The following CGNL1 variants were observed in gnomAD, a reference collection of about 807,000 sequenced individuals.
CGNL1 encodes cingulin-like protein 1.
A neutral mutation model predicts 141.2 loss-of-function variants in CGNL1; 132 were observed. The ratio of observed to expected loss-of-function variants is 0.93; its 90% CI spans 0.81 to 1.08. The LOEUF is 1.08. CGNL1 is among the 50% of genes least tolerant of loss of function. CGNL1 has a pLI of 0.00. For missense variants in CGNL1, 1,870 were observed against 1,588.6 expected (o/e 1.18, Z -3.01); for synonymous variants, 690 against 622.1 (o/e 1.11, Z -1.63).
intron 8 of CGNL1, 92 bp downstream of exon 8, chr15:57,461,984 T>C (rs982214871): frequency 2.2e-6 from 2 of 921,586 alleles, no homozygotes; most frequent in Admixed American, 2.0e-5. Flanking sequence ...TCATTCCTTT[T>C]AATTAGAGAG....
Position 57,528,658 on chromosome 15 carries a change from GT to G in CGNL1, c.3045del (p.Leu1016Ter). 6.2e-7 allele frequency: 1 copy of G among 1,613,972 alleles called. No homozygotes were observed. Among genetic ancestry groups the G allele is most frequent in the Non-Finnish European group, 8.5e-7 (1 of 1,179,932 alleles). On this transcript the variant is annotated frameshift_variant, in exon 13 of 19. Coordinates refer to ENST00000281282, the MANE Select transcript of CGNL1 (RefSeq NM_032866.5). LOFTEE classifies it high-confidence loss of function. ...LTAMKMQDEM[R>X]LMEEELRDYQ... ...CCCAGCTGTCTCTCCTCCTAGATGC[GT>G]CTGATGGAGGAAGAGTTACGGGACT...
intron 8 of CGNL1, among the ~76,000 whole-genome samples, chr15:57,491,708 A>G (rs2063866107): frequency 6.6e-6 from 1 of 152,236 alleles, no homozygotes. Flanking sequence ...CCGTTATAGA[A>G]GAGTTCCAAA....
chr15:57,455,168 A>T (rs546117692), intron 7 of CGNL1, among the ~76,000 whole-genome samples: 1 of 151,796 alleles, frequency 6.6e-6, no homozygotes, highest in Non-Finnish European at 1.5e-5. Flanking sequence ...ATTCTCCTAC[A>T]TTTTTTTTCC....
chr15:57,385,442 C>T (rs753029443), intron 1 of CGNL1, among the ~76,000 whole-genome samples: 4 of 152,174 alleles, frequency 2.6e-5, no homozygotes, highest in Non-Finnish European at 5.9e-5. Flanking sequence ...ACCCAGGAGG[C>T]GGAGATTGCA....
At chr15:57,408,137 C>T (rs1470508756) in intron 1 of CGNL1, among the ~76,000 whole-genome samples, 4 of 152,106 alleles carry the variant, frequency 2.6e-5, no homozygotes, top group African/African-American at 7.2e-5. Flanking sequence ...GACTAAATAT[C>T]TGTGTTCTGC....
intron 11 of CGNL1, 32 bp from the exon 12 acceptor site, chr15:57,524,549 G>A: frequency 6.3e-7 from 1 of 1,594,672 alleles, no homozygotes; most frequent in East Asian, 2.2e-5. Context: ...GAGCATCCCA[G>A]GGTGGGCTCA....
At chr15:57,501,096 A>C (rs1404631083) in intron 8 of CGNL1, among the ~76,000 whole-genome samples, 1 of 152,216 alleles carries the variant, frequency 6.6e-6, no homozygotes, top group East Asian at 1.9e-4. Flanking sequence ...TGATTAATTC[A>C]GTAACCTTGG....
At chr15:57,400,651 G>A (rs1386259817) in intron 1 of CGNL1, among the ~76,000 whole-genome samples, 6 of 152,098 alleles carry the variant, frequency 3.9e-5, no homozygotes, top group African/African-American at 1.4e-4. Flanking sequence ...GGGAGGCCAA[G>A]GCGGGCGGAT....
At chr15:57,378,444 C>T (rs1329632709) in intron 1 of CGNL1, among the ~76,000 whole-genome samples, 1 of 127,620 alleles carries the variant, frequency 7.8e-6, no homozygotes, top group Non-Finnish European at 1.6e-5. Context: ...TGCAATGGTG[C>T]AATCTCAGCT....
chr15:57,453,946 C>A, intron 7 of CGNL1, 128 bp downstream of exon 7: 1 of 1,046,888 alleles, frequency 9.6e-7, no homozygotes, highest in African/African-American at 1.6e-5. Context: ...CTCTTATGAT[C>A]TGTGAGTCAG....
intron 14 of CGNL1, among the ~76,000 whole-genome samples, chr15:57,539,042 C>G (rs1353901423): frequency 6.6e-6 from 1 of 152,138 alleles, no homozygotes; most frequent in African/African-American, 2.4e-5. Context: ...GCCCAGCGCC[C>G]AGCTTGAGGG....
intron 1 of CGNL1, among the ~76,000 whole-genome samples, chr15:57,384,809 A>C (rs1347880613): frequency 6.6e-6 from 1 of 152,238 alleles, no homozygotes; most frequent in Non-Finnish European, 1.5e-5. Flanking sequence ...AGAAGGAAGA[A>C]AGACAGTGTT....
chr15:57,396,277 G>A (rs369264631), intron 1 of CGNL1, among the ~76,000 whole-genome samples: 1 of 129,218 alleles, frequency 7.7e-6, no homozygotes, highest in African/African-American at 2.9e-5. Flanking sequence ...TTCTTTCTTT[G>A]TTTTTTTTTT....
rs541124305 is a variant in CGNL1, at chr15:57,425,428, A to G, written c.-15-12557A>G. On this transcript the variant is annotated intron_variant, in intron 1 of 18. Coordinates refer to ENST00000281282, the MANE Select transcript of CGNL1 (RefSeq NM_032866.5). The stretch of plus-strand genomic sequence containing the variant: ...GGCTATCAAATTTTAGCATGCTTTC[A>G]AGAGAGTGAAATTTTAAAATATCTA... 1.7e-4 allele frequency among the ~76,000 whole-genome samples: 26 copies of G among 152,322 alleles called. 1 individual carries two copies. In the East Asian group the frequency reaches 4.6e-3, roughly 27 times the overall value.
At chr15:57,540,516 G>T (rs1198557778) in intron 14 of CGNL1, among the ~76,000 whole-genome samples, 1 of 152,204 alleles carries the variant, frequency 6.6e-6, no homozygotes, top group South Asian at 2.1e-4. Context: ...ACTGGGGATT[G>T]TGGGAACTAC....
chr15:57,499,131 C>T (rs973534548), intron 8 of CGNL1, among the ~76,000 whole-genome samples: 8 of 151,544 alleles, frequency 5.3e-5, no homozygotes, highest in Non-Finnish European at 7.4e-5. Context: ...CTTGCTGTTG[C>T]CCAGGAAGGA....
intron 8 of CGNL1, among the ~76,000 whole-genome samples, chr15:57,509,842 C>T (rs1433715318): frequency 2.0e-5 from 3 of 152,128 alleles, no homozygotes; most frequent in Non-Finnish European, 2.9e-5. Context: ...GGAAATTTTG[C>T]AGTTCAGCAT....
At chr15:57,516,652 C>A in intron 8 of CGNL1, 128 bp from the exon 9 acceptor site, 1 of 961,676 alleles carries the variant, frequency 1.0e-6, no homozygotes, top group Non-Finnish European at 1.6e-6. Flanking sequence ...GTTTGCCGAC[C>A]CCTGGCTCAG....
At chr15:57,482,789 CTT>C (rs139979065) in intron 8 of CGNL1, among the ~76,000 whole-genome samples, 3 of 145,998 alleles carry the variant, frequency 2.1e-5, no homozygotes, top group Non-Finnish European at 1.5e-5. Context: ...TCTTTTCTCT[CTT>C]TTTTTTTTTT....
Sources: gnomAD v4.1 joint callset for allele counts (sites outside exome capture counted in the v4.1 genomes callset) on GRCh38, gnomAD v4.1.1 for gene constraint, MANE v1.5 for transcripts, NCBI Gene and HGNC (gene_info 2026-07-23, HGNC 2026-07-21) for gene names.